PVT1: variants seen among roughly 807,000 people sequenced by gnomAD.
PVT1 encodes the protein Pvt1 oncogene.
chr8:127,918,344 T>C (rs184310671), intron 3 of PVT1, among the ~76,000 whole-genome samples: 41 of 151,986 alleles, frequency 2.7e-4, no homozygotes, highest in African/African-American at 9.6e-4. Flanking sequence ...GAGCTTGGTA[T>C]GGCTGGCTAG....
chr8:128,099,038 G>T (rs989739522), intron 6 of PVT1, among the ~76,000 whole-genome samples: 1 of 152,174 alleles, frequency 6.6e-6, no homozygotes, highest in Non-Finnish European at 1.5e-5. Flanking sequence ...CATTACTACA[G>T]GTTCATTACC....
rs1224612475 is a variant in PVT1 at position 127,860,764 on chromosome 8, C to CAA, written n.373-29806_373-29805dup. ...TGGGTGACAGAGCAAGACCCAATCT[C>CAA]AAAAAAAAAAAAAAAAAAAAGGAGA... On this transcript the variant is annotated intron_variant and non_coding_transcript_variant, in intron 2 of 10. Coordinates refer to ENST00000651587, the Ensembl canonical transcript of PVT1. 7.1e-3 allele frequency among the ~76,000 whole-genome samples: 446 copies of CAA among 63,154 alleles called. 5 individuals are homozygous for CAA. The highest frequency in any genetic ancestry group is 0.019 in the African/African-American group (413 of 22,310). 41.4% of individuals were successfully genotyped at this position (63,154 alleles called of 152,430 possible). A position where few individuals can be genotyped will look rare whatever the true frequency, so the allele number is the denominator to read the frequency against.
intron 2 of PVT1, among the ~76,000 whole-genome samples, chr8:127,828,874 A>G (rs1814820467): frequency 1.3e-5 from 2 of 152,130 alleles, no homozygotes; most frequent in Non-Finnish European, 2.9e-5. Flanking sequence ...CTGTGCCTCC[A>G]CCAGTTAAAG....
intron 4 of PVT1, among the ~76,000 whole-genome samples, chr8:128,007,312 A>T (rs1817258643): frequency 6.6e-6 from 1 of 152,246 alleles, no homozygotes; most frequent in African/African-American, 2.4e-5. Flanking sequence ...GACACAGTTA[A>T]ATAATTGTAC....
chr8:127,909,757 G>T (rs567032999), intron 3 of PVT1, among the ~76,000 whole-genome samples: 5 of 152,306 alleles, frequency 3.3e-5, no homozygotes, highest in African/African-American at 1.2e-4. Context: ...GTGTTGGAAA[G>T]GGACAGTGGG....
At chr8:127,920,933 T>C (rs1816048925) in intron 3 of PVT1, among the ~76,000 whole-genome samples, 1 of 152,242 alleles carries the variant, frequency 6.6e-6, no homozygotes, top group Non-Finnish European at 1.5e-5. Context: ...GAAGATGATT[T>C]GCATCTCTAG....
chr8:128,093,088 A>T (rs2130170899), intron 5 of PVT1, among the ~76,000 whole-genome samples: 1 of 152,100 alleles, frequency 6.6e-6, no homozygotes, highest in South Asian at 2.1e-4. Flanking sequence ...ATCTTTTCAT[A>T]TTTTTTTATT....
chr8:128,080,402 T>A (rs1319648856), intron 5 of PVT1, among the ~76,000 whole-genome samples: 1 of 152,198 alleles, frequency 6.6e-6, no homozygotes, highest in East Asian at 1.9e-4. Context: ...AATTTGGTAT[T>A]CATGTTTTGG....
chr8:127,990,422 G>A (rs1216680304), intron 4 of PVT1, among the ~76,000 whole-genome samples: 2 of 152,234 alleles, frequency 1.3e-5, no homozygotes, highest in South Asian at 2.1e-4. Context: ...GAGAGAAAAA[G>A]AGATAGAGAA....
At chr8:127,804,900 T>G (rs1361057342) in intron 2 of PVT1, among the ~76,000 whole-genome samples, 1 of 150,968 alleles carries the variant, frequency 6.6e-6, no homozygotes, top group Non-Finnish European at 1.5e-5. Flanking sequence ...CAGGCATTTT[T>G]GAATATTATA....
chr8:127,907,623 G>A (rs1305810355), intron 3 of PVT1, among the ~76,000 whole-genome samples: 2 of 152,186 alleles, frequency 1.3e-5, no homozygotes, highest in African/African-American at 2.4e-5. Flanking sequence ...AAATAGTTCA[G>A]ACCGTATTGT....
intron 2 of PVT1, among the ~76,000 whole-genome samples, chr8:127,863,570 G>A (rs997150715): frequency 1.3e-5 from 2 of 152,216 alleles, no homozygotes; most frequent in Non-Finnish European, 2.9e-5. Context: ...AGCTGTTGGC[G>A]TCGGGGGTGG....
intron 5 of PVT1, among the ~76,000 whole-genome samples, chr8:128,077,043 C>T (rs758161817): frequency 6.6e-6 from 1 of 152,184 alleles, no homozygotes; most frequent in Non-Finnish European, 1.5e-5. Flanking sequence ...GATTCAGATG[C>T]CAGCGGGTTT....
chr8:127,920,677 A>C (rs1181242281), intron 3 of PVT1, among the ~76,000 whole-genome samples: 1 of 152,224 alleles, frequency 6.6e-6, no homozygotes, highest in Non-Finnish European at 1.5e-5. Flanking sequence ...GTACGACATA[A>C]ACTAATGAAA....
chr8:127,965,413 A>G (rs1816692360), intron 3 of PVT1, among the ~76,000 whole-genome samples: 1 of 152,156 alleles, frequency 6.6e-6, no homozygotes, highest in Non-Finnish European at 1.5e-5. Flanking sequence ...AGAGTTTACC[A>G]TGGGGCTGGA....
chr8:127,933,239 C>A (rs927760102), intron 3 of PVT1, among the ~76,000 whole-genome samples: 3 of 152,124 alleles, frequency 2.0e-5, no homozygotes, highest in African/African-American at 4.8e-5. Flanking sequence ...CCATATCTGG[C>A]TAATTTTATA....
At chr8:127,901,838 G>A (rs573536716) in intron 3 of PVT1, among the ~76,000 whole-genome samples, 7 of 151,830 alleles carry the variant, frequency 4.6e-5, no homozygotes, top group Non-Finnish European at 7.4e-5. Flanking sequence ...CTGAGCTCAA[G>A]CGATCCTCCT....
In PVT1 at chr8:127,896,596, GATTTT is replaced by G. The variant is rs557874982; in HGVS notation, n.782+5609_782+5613del. Among the ~76,000 whole-genome samples the G allele has an allele frequency of 4.7e-3, 551 of 117,174 alleles. 2 individuals carry two copies. Among genetic ancestry groups the G allele is most frequent in the South Asian group, 8.2e-3 (27 of 3,292 alleles). The allele number at this position is 117,174 out of a possible 152,430, so 76.9% of individuals were successfully genotyped here. A position where few individuals can be genotyped will look rare whatever the true frequency, so the allele number is the denominator to read the frequency against. On this transcript the variant is annotated intron_variant and non_coding_transcript_variant, in intron 3 of 10. Coordinates refer to ENST00000651587, the Ensembl canonical transcript of PVT1. Reference sequence around the variant, plus strand: ...TATTTTTATTTTTTTCTGTATAAGGGATTTTATTTTATTTTTATTATGTATGTATT... The same window carrying G: ...TATTTTTATTTTTTTCTGTATAAGGGATTTTATTTTTATTATGTATGTATT...
intron 2 of PVT1, chr8:127,803,124 T>TC (rs1491098191): frequency 3.1e-5 from 3 of 98,112 alleles, no homozygotes; most frequent in South Asian, 8.3e-4. Flanking sequence ...TTTCTTTCTT[T>TC]CTTTTTTTTT....
Sources: allele counts gnomAD v4.1 joint callset (sites outside exome capture counted in the v4.1 genomes callset), GRCh38; gene constraint gnomAD v4.1.1; transcripts MANE v1.5; gene names NCBI Gene and HGNC (gene_info 2026-07-23, HGNC 2026-07-21).